The following TET1 variants were observed in gnomAD, a reference collection of about 807,000 sequenced individuals.
TET1 encodes the protein tet methylcytosine dioxygenase 1, also known as methylcytosine dioxygenase TET1.
TET1 carries 13 observed loss-of-function variants against 148.7 expected under a neutral mutation model. The ratio of observed to expected loss-of-function variants is 0.09; its 90% CI spans 0.06 to 0.14. TET1 has a LOEUF of 0.14. TET1 is among the 10% of genes least tolerant of loss of function. TET1 has a pLI of 1.00. For synonymous variants in TET1, 907 were observed against 937.2 expected, an observed-to-expected ratio of 0.97 and a Z score of 0.59; for missense variants, 2,182 against 2,553.8, an observed-to-expected ratio of 0.85 and a Z score of 3.14.
chr10:68,629,770 T>C (rs1306040049), intron 3 of TET1, among the ~76,000 whole-genome samples: 2 of 152,114 alleles, frequency 1.3e-5, no homozygotes, highest in Admixed American at 1.3e-4. Context: ...TCTCCTGATC[T>C]TGTGATCCAC....
At chr10:68,564,147 T>C (rs1312147127) in intron 1 of TET1, among the ~76,000 whole-genome samples, 1 of 152,006 alleles carries the variant, frequency 6.6e-6, no homozygotes, top group Non-Finnish European at 1.5e-5. Flanking sequence ...AAAAATGTTC[T>C]ATTGTTTTCT....
At chr10:68,614,764 T>G (rs1349394194) in intron 3 of TET1, among the ~76,000 whole-genome samples, 3 of 152,032 alleles carry the variant, frequency 2.0e-5, no homozygotes, top group Non-Finnish European at 4.4e-5. Flanking sequence ...TGGCTAAATT[T>G]TGTATATTTT....
chr10:68,626,245 G>A (rs1008628431), intron 3 of TET1, among the ~76,000 whole-genome samples: 6 of 151,214 alleles, frequency 4.0e-5, no homozygotes, highest in East Asian at 1.9e-4. Context: ...CTCTTTACTC[G>A]TTTTTTTATT....
At chr10:68,591,103 C>T (rs1392638797) in intron 2 of TET1, among the ~76,000 whole-genome samples, 1 of 152,212 alleles carries the variant, frequency 6.6e-6, no homozygotes, top group East Asian at 1.9e-4. Context: ...GATCCACCTG[C>T]CTCAGCCTCC....
intron 2 of TET1, among the ~76,000 whole-genome samples, chr10:68,599,921 C>T (rs1394220954): frequency 1.3e-5 from 2 of 152,188 alleles, no homozygotes; most frequent in African/African-American, 4.8e-5. Context: ...AAACTCCTCC[C>T]TCTCTTTTTG....
At chr10:68,689,537 C>T (rs2055561818) in intron 11 of TET1, among the ~76,000 whole-genome samples, 2 of 151,784 alleles carry the variant, frequency 1.3e-5, no homozygotes, top group Admixed American at 6.6e-5. Context: ...CCCGTCTCTA[C>T]TAAAATACAA....
rs2133092294 is a variant in TET1 at position 68,646,289 on chromosome 10, G to A, written c.3560G>A (p.Cys1187Tyr). 6.2e-7 allele frequency: 1 copy of A among 1,614,162 alleles called. No individual in the cohort carries two copies. Among genetic ancestry groups the A allele is most frequent in the South Asian group, 1.1e-5 (1 of 91,080 alleles). ...EKLSYMYGTI[C>Y]DIWIASKFQN... ...TTGTCCTATATGTATGGCACAATAT[G>A]CGACATTTGGATAGCATCGAAATTT... The change falls in exon 4 of 12, where the codon TGC becomes TAC. Residue 1187 changes from cysteine (C) to tyrosine (Y), a missense_variant. Transcript: ENST00000373644.
chr10:68,684,013 A>T (rs1449371104), intron 10 of TET1, among the ~76,000 whole-genome samples: 1 of 152,132 alleles, frequency 6.6e-6, no homozygotes. Flanking sequence ...TAGTAAAGCA[A>T]GATCAATAGA....
chr10:68,680,449 A>G (rs2055420758), intron 8 of TET1, among the ~76,000 whole-genome samples: 1 of 152,074 alleles, frequency 6.6e-6, no homozygotes, highest in African/African-American at 2.4e-5. Flanking sequence ...GGTTCTAGCA[A>G]CCTTCCCATC....
intron 3 of TET1, among the ~76,000 whole-genome samples, chr10:68,616,189 A>G (rs998068401): frequency 8.5e-5 from 13 of 152,224 alleles, no homozygotes; most frequent in African/African-American, 3.1e-4. Flanking sequence ...ACTCATCAGT[A>G]CCTATTCAGA....
At position 68,691,179 on chromosome 10, in the gene TET1, C is replaced by T. The variant is rs867902572; in HGVS notation, c.5776C>T (p.Pro1926Ser). 1 of 1,614,172 alleles carries T rather than the reference C, an allele frequency of 6.2e-7. No individual in the cohort carries two copies. Among genetic ancestry groups the T allele is most frequent in the Non-Finnish European group, 8.5e-7 (1 of 1,180,032 alleles). The change falls in exon 12 of 12, where the codon CCT (proline) becomes TCT (serine). Residue 1926 changes from proline to serine, a missense_variant. Pro to Ser is a moderately conservative substitution (Grantham distance 74). Around this residue, in one of 11 missense-constraint regions of TET1, gnomAD observed 380 missense variants for 387.9 expected, o/e 0.98. Coordinates refer to ENST00000373644, the MANE Select transcript of TET1 (RefSeq NM_030625.3). The surrounding 1 kb of genome is among the most constrained non-coding windows in gnomAD (Gnocchi z 4.4). ...PVMEPLINSE[P>S]STGVTEPLTP... ...GATGGAGCCCCTCATTAATTCTGAG[C>T]CTTCCACTGGTGTGACTGAGCCGCT...
At chr10:68,663,089 G>A (rs2055145941) in intron 6 of TET1, among the ~76,000 whole-genome samples, 2 of 152,320 alleles carry the variant, frequency 1.3e-5, no homozygotes, top group South Asian at 4.1e-4. Context: ...AAAAGCCCAA[G>A]ACTTCACCAC....
intron 2 of TET1, 123 bp from the exon 3 acceptor site, chr10:68,600,858 A>G (rs916137595): frequency 1.3e-6 from 1 of 764,772 alleles, no homozygotes; most frequent in Non-Finnish European, 2.2e-6. Context: ...CTGCCTAGCA[A>G]ACATGTTGAT....
At position 68,645,572 on chromosome 10, in the gene TET1, G is replaced by C. The variant is rs2133087982; in HGVS notation, c.2843G>C (p.Gly948Ala). 1.9e-6 allele frequency: 3 copies of C among 1,614,152 alleles called. No homozygotes were observed. Among genetic ancestry groups the C allele is most frequent in the South Asian group, 2.2e-5 (2 of 91,064 alleles). ...GACCTCCAAGACCCAAACTTACAGGGAGAGCCACCAAAACTTAATCACTGT... is the reference window on the plus strand; with the variant it reads ...GACCTCCAAGACCCAAACTTACAGGCAGAGCCACCAAAACTTAATCACTGT... ...RKDLQDPNLQ[G>A]EPPKLNHCPS... The change falls in exon 4 of 12, where the codon GGA becomes GCA. Residue 948 changes from glycine (G) to alanine (A), a missense_variant. Physicochemically the swap from Gly to Ala is moderately conservative, Grantham distance 60. Coordinates refer to ENST00000373644, the MANE Select transcript of TET1 (RefSeq NM_030625.3).
At chr10:68,669,556 A>G (rs765559802) in intron 7 of TET1, among the ~76,000 whole-genome samples, 74 of 140,210 alleles carry the variant, frequency 5.3e-4, no homozygotes, top group African/African-American at 8.9e-4. Flanking sequence ...GGGTTTCACC[A>G]TGTTAGCCAG....
intron 6 of TET1, among the ~76,000 whole-genome samples, chr10:68,666,160 A>C (rs1397593751): frequency 6.6e-6 from 1 of 152,186 alleles, no homozygotes; most frequent in Non-Finnish European, 1.5e-5. Flanking sequence ...CCACTGAGCA[A>C]ATTTTAAATA....
At chr10:68,672,858 C>T (rs2055294349) in intron 7 of TET1, 37 bp from the exon 8 acceptor site, 2 of 1,574,104 alleles carry the variant, frequency 1.3e-6, no homozygotes, top group Non-Finnish European at 1.7e-6. Context: ...TATTGTAATG[C>T]TTCATCAATT....
Position 68,596,023 on chromosome 10 carries a change from CACACAT to C in TET1, c.1915-4956_1915-4951del, listed in dbSNP as rs1341173865. ...ACACACACACACACACACACACACA[CACACAT>C]ATATATATATATATACACATTTTTT... On this transcript the variant is annotated intron_variant, in intron 2 of 11. Coordinates refer to ENST00000373644, the MANE Select transcript of TET1 (RefSeq NM_030625.3). Among the ~76,000 whole-genome samples the C allele has an allele frequency of 7.8e-3, 747 of 95,402 alleles. 6 individuals are homozygous for C. The highest frequency in any genetic ancestry group is 0.011 in the Non-Finnish European group (557 of 49,958). 62.6% of individuals were successfully genotyped at this position (95,402 alleles called of 152,430 possible).
Position 68,574,891 on chromosome 10 carries a change from T to C in TET1, c.1914+639T>C, listed in dbSNP as rs534506091. Among the ~76,000 whole-genome samples, 16 of 152,340 alleles carry C rather than the reference T, an allele frequency of 1.1e-4. No individual in the cohort carries two copies. The South Asian group carries it at 3.3e-3, about 32-fold the overall frequency. Reference sequence around the variant, plus strand: ...AAACATTAGTTCTTATTATAGTTTATGAACCTAAGGTAGTTAAAGGATCTG... The same window carrying C: ...AAACATTAGTTCTTATTATAGTTTACGAACCTAAGGTAGTTAAAGGATCTG... On this transcript the variant is annotated intron_variant, in intron 2 of 11. Transcript: ENST00000373644.
Sources: gnomAD v4.1 joint callset for allele counts (sites outside exome capture counted in the v4.1 genomes callset) on GRCh38, gnomAD v4.1.1 for gene constraint, gnomAD v4.1.1 regional missense constraint, Gnocchi (gnomAD v3.1) non-coding constraint, MANE v1.5 for transcripts, NCBI Gene and HGNC (gene_info 2026-07-23, HGNC 2026-07-21) for gene names.